CTTNBP2: variants seen among roughly 807,000 people sequenced by gnomAD.
The protein encoded by CTTNBP2 is cortactin-binding protein 2.
CTTNBP2 carries 108 observed loss-of-function variants against 156.9 expected under a neutral mutation model. That is an observed-to-expected ratio of 0.69 (90% CI 0.59 to 0.81). The LOEUF is 0.81. Among genes scored for constraint, CTTNBP2 ranks in the 30% least tolerant of loss-of-function variants. The pLI is 0.00. For missense variants in CTTNBP2, 1,924 were observed against 2,035.4 expected (o/e 0.95, Z 1.05); for synonymous variants, 767 against 751.8 (o/e 1.02, Z -0.33).
chr7:117,717,329 T>G (rs539313538), intron 22 of CTTNBP2, among the ~76,000 whole-genome samples: 2 of 152,200 alleles, frequency 1.3e-5, no homozygotes, highest in Non-Finnish European at 2.9e-5. Flanking sequence ...AGATTTTTTT[T>G]TTTTGCAATG....
intron 14 of CTTNBP2, among the ~76,000 whole-genome samples, chr7:117,741,476 T>G (rs1160376938): frequency 6.7e-6 from 1 of 148,824 alleles, no homozygotes; most frequent in Non-Finnish European, 1.5e-5. Context: ...CTTTACTGCT[T>G]ACAATCATTT....
intron 11 of CTTNBP2, 41 bp from the exon 12 acceptor site, chr7:117,756,675 G>C (rs1266447169): frequency 8.0e-7 from 1 of 1,251,902 alleles, no homozygotes; most frequent in Non-Finnish European, 1.2e-6. Flanking sequence ...GTGTTCCCTT[G>C]TTAAATATAA....
At chr7:117,866,864 AT>A (rs925245281) in intron 1 of CTTNBP2, among the ~76,000 whole-genome samples, 14 of 152,114 alleles carry the variant, frequency 9.2e-5, no homozygotes, top group African/African-American at 3.4e-4. Flanking sequence ...AGAGAAATGT[AT>A]TTTCCTCCCA....
At chr7:117,862,037 ACCCT>A (rs1803789869) in intron 1 of CTTNBP2, among the ~76,000 whole-genome samples, 1 of 151,328 alleles carries the variant, frequency 6.6e-6, no homozygotes, top group Non-Finnish European at 1.5e-5. Context: ...CATGTTGCCA[ACCCT>A]CCCTCACCAG....
chr7:117,868,312 A>G (rs573749296), intron 1 of CTTNBP2, among the ~76,000 whole-genome samples: 47 of 152,368 alleles, frequency 3.1e-4, no homozygotes, highest in Non-Finnish European at 5.9e-4. Flanking sequence ...ATGAAGACGC[A>G]GGCCTTTGGA....
intron 3 of CTTNBP2, among the ~76,000 whole-genome samples, chr7:117,799,367 A>G (rs1034548169): frequency 6.6e-6 from 1 of 151,988 alleles, no homozygotes; most frequent in African/African-American, 2.4e-5. Context: ...TTGAAAATCA[A>G]TCTGTGTAAC....
intron 14 of CTTNBP2, among the ~76,000 whole-genome samples, chr7:117,745,323 T>A (rs1278746495): frequency 6.6e-6 from 1 of 152,208 alleles, no homozygotes; most frequent in East Asian, 1.9e-4. Flanking sequence ...CTGAATGAGT[T>A]AATTAGTGCA....
At chr7:117,717,583 T>C (rs568534231) in intron 22 of CTTNBP2, among the ~76,000 whole-genome samples, 1 of 152,292 alleles carries the variant, frequency 6.6e-6, no homozygotes, top group African/African-American at 2.4e-5. Flanking sequence ...AATCAACTTA[T>C]TCATTCTGTC....
intron 2 of CTTNBP2, among the ~76,000 whole-genome samples, chr7:117,830,374 A>G (rs551285406): frequency 6.6e-6 from 1 of 152,214 alleles, no homozygotes; most frequent in African/African-American, 2.4e-5. Context: ...CTCCATGGAG[A>G]CCTCCTAAGG....
At chr7:117,715,513 A>T (rs1252834809) in intron 22 of CTTNBP2, among the ~76,000 whole-genome samples, 1 of 148,136 alleles carries the variant, frequency 6.8e-6, no homozygotes, top group Non-Finnish European at 1.5e-5. Context: ...AGTGGATTTC[A>T]TCATGCAACC....
Position 117,747,598 on chromosome 7 carries a change from C to T in CTTNBP2, c.3349-1499G>A, listed in dbSNP as rs546968253. Among the ~76,000 whole-genome samples the T allele has an allele frequency of 3.7e-4, 56 of 152,240 alleles. 1 individual carries two copies. The highest frequency in any genetic ancestry group is 3.4e-3 in the Middle Eastern group (1 of 294). ...GACTAGACTGGCAAATACGGTGAAA[C>T]CCCATCTCCACTAAAAATACAAAAA... On this transcript the variant is annotated intron_variant, in intron 12 of 22. Coordinates refer to ENST00000160373, the MANE Select transcript of CTTNBP2 (RefSeq NM_033427.3).
intron 3 of CTTNBP2, among the ~76,000 whole-genome samples, chr7:117,809,616 T>C (rs1038169494): frequency 1.3e-5 from 2 of 152,200 alleles, no homozygotes; most frequent in Admixed American, 1.3e-4. Flanking sequence ...TCTATTTTTC[T>C]TTTACTCAGT....
chr7:117,847,646 A>G (rs1245573965), intron 2 of CTTNBP2, among the ~76,000 whole-genome samples: 1 of 152,208 alleles, frequency 6.6e-6, no homozygotes, highest in Non-Finnish European at 1.5e-5. Context: ...TAAACTATAA[A>G]GTATATTCAT....
At chr7:117,815,447 T>C (rs1232911914) in intron 2 of CTTNBP2, among the ~76,000 whole-genome samples, 1 of 152,208 alleles carries the variant, frequency 6.6e-6, no homozygotes, top group Admixed American at 6.5e-5. Context: ...CAGAGAGAAA[T>C]AGAAAGTTAC....
intron 2 of CTTNBP2, among the ~76,000 whole-genome samples, chr7:117,814,602 A>G (rs981671188): frequency 1.1e-4 from 16 of 152,038 alleles, no homozygotes; most frequent in Admixed American, 3.9e-4. Flanking sequence ...TAATTTTTAA[A>G]TTTTTGGTAG....
At chr7:117,845,177 G>C (rs1339924632) in intron 2 of CTTNBP2, among the ~76,000 whole-genome samples, 3 of 152,116 alleles carry the variant, frequency 2.0e-5, no homozygotes, top group African/African-American at 7.2e-5. Flanking sequence ...AAGGGAATTG[G>C]GGGCATCTGC....
At chr7:117,835,695 AC>A (rs1801888892) in intron 2 of CTTNBP2, among the ~76,000 whole-genome samples, 1 of 152,188 alleles carries the variant, frequency 6.6e-6, no homozygotes, top group Non-Finnish European at 1.5e-5. Context: ...AGTTTTCAAC[AC>A]GCATTCGTCT....
chr7:117,795,879 C>A (rs1164978871), intron 3 of CTTNBP2, among the ~76,000 whole-genome samples: 3 of 152,182 alleles, frequency 2.0e-5, no homozygotes, highest in Non-Finnish European at 4.4e-5. Context: ...CCTATAAACA[C>A]ATGGCTCTAA....
intron 10 of CTTNBP2, 65 bp downstream of exon 10, chr7:117,760,370 T>C (rs1374914321): frequency 6.0e-6 from 9 of 1,502,488 alleles, no homozygotes; most frequent in African/African-American, 4.1e-5. Context: ...AATCAGGTTA[T>C]GAAACCCACA....
Sources: allele counts gnomAD v4.1 joint callset (sites outside exome capture counted in the v4.1 genomes callset), GRCh38; gene constraint gnomAD v4.1.1; transcripts MANE v1.5; gene names NCBI Gene and HGNC (gene_info 2026-07-23, HGNC 2026-07-21).